The following LRFN5 variants were observed in gnomAD, a reference collection of about 807,000 sequenced individuals.
The protein encoded by LRFN5 is leucine-rich repeat and fibronectin type-III domain-containing protein 5.
A neutral mutation model predicts 45.6 loss-of-function variants in LRFN5; 24 were observed. That is an observed-to-expected ratio of 0.53 (90% CI 0.38 to 0.74). LRFN5 has a LOEUF of 0.74. Ranked by LOEUF, LRFN5 falls within the 30% of genes least tolerant of loss-of-function variation. The probability of loss-of-function intolerance (pLI) is 0.00; values close to 1 mark genes in which losing one functional copy is unlikely to be tolerated. For synonymous variants in LRFN5, 340 were observed against 313.8 expected, an observed-to-expected ratio of 1.08 and a Z score of -0.88; for missense variants, 776 against 861.5, an observed-to-expected ratio of 0.90 and a Z score of 1.24.
At chr14:41,820,344 T>C (rs115700988) in intron 2 of LRFN5, among the ~76,000 whole-genome samples, 2,392 of 152,204 alleles carry the variant, frequency 0.016, 57 homozygotes, top group African/African-American at 0.053. Context: ...GCTATCCTAT[T>C]ATTCTAGCAC....
In LRFN5 at chr14:41,673,801, A is replaced by AC. The variant is rs1249040783; in HGVS notation, c.-197+65247dup. Reference sequence around the variant, plus strand: ...GGGGCGGCTGGCCGGGCGGGGGGTGACCCCCCCCACCTCATTCCCGGATGG... The same window carrying AC: ...GGGGCGGCTGGCCGGGCGGGGGGTGACCCCCCCCCACCTCATTCCCGGATGG... On this transcript the variant is annotated intron_variant, in intron 1 of 5. Transcript: ENST00000298119. Among the ~76,000 whole-genome samples, 169 of 105,980 alleles carry AC rather than the reference A, an allele frequency of 1.6e-3. 2 individuals carry two copies. The highest frequency in any genetic ancestry group is 3.5e-3 in the African/African-American group (95 of 27,474). The allele number at this position is 105,980 out of a possible 152,430, so 69.5% of individuals were successfully genotyped here.
chr14:41,714,010 C>G (rs8015480), intron 1 of LRFN5, among the ~76,000 whole-genome samples: 116,190 of 152,026 alleles, frequency 0.76, 44,759 homozygotes, highest in East Asian at 0.97. Flanking sequence ...TTTTAAAAGG[C>G]AATGTCATGC....
At chr14:41,870,236 A>C (rs1344356996) in intron 2 of LRFN5, among the ~76,000 whole-genome samples, 1 of 152,174 alleles carries the variant, frequency 6.6e-6, no homozygotes, top group Admixed American at 6.5e-5. Flanking sequence ...GATTTTTCAA[A>C]GCCAGCAATT....
intron 2 of LRFN5, among the ~76,000 whole-genome samples, chr14:41,870,067 A>G (rs1280223402): frequency 2.0e-5 from 3 of 152,160 alleles, no homozygotes; most frequent in African/African-American, 7.2e-5. Context: ...GTAGGAATCT[A>G]AACACATCTT....
At chr14:41,779,159 T>C (rs1886395943) in intron 2 of LRFN5, among the ~76,000 whole-genome samples, 1 of 151,856 alleles carries the variant, frequency 6.6e-6, no homozygotes, top group Non-Finnish European at 1.5e-5. Flanking sequence ...CTTTATCAAG[T>C]TGAAGTTTTC....
At chr14:41,780,400 G>T (rs373163844) in intron 2 of LRFN5, among the ~76,000 whole-genome samples, 6 of 152,030 alleles carry the variant, frequency 3.9e-5, no homozygotes, top group African/African-American at 1.4e-4. Context: ...GTGTCTTCCT[G>T]AAGAATTGAC....
At chr14:41,674,860 G>A (rs1193136915) in intron 1 of LRFN5, among the ~76,000 whole-genome samples, 1 of 151,340 alleles carries the variant, frequency 6.6e-6, no homozygotes, top group Non-Finnish European at 1.5e-5. Context: ...GCGGTTGCCG[G>A]GCGGAGGGTC....
intron 1 of LRFN5, among the ~76,000 whole-genome samples, chr14:41,711,767 AT>A (rs60802630): frequency 1.2e-3 from 178 of 152,344 alleles, no homozygotes; most frequent in African/African-American, 4.1e-3. Flanking sequence ...AAAAAAACGC[AT>A]TATGAATAAG....
At chr14:41,620,066 C>A (rs1174873652) in intron 1 of LRFN5, among the ~76,000 whole-genome samples, 2 of 151,950 alleles carry the variant, frequency 1.3e-5, no homozygotes. Context: ...ACAGGTTAGA[C>A]TGTAATATTT....
intron 2 of LRFN5, among the ~76,000 whole-genome samples, chr14:41,802,076 C>A (rs1279707219): frequency 2.6e-5 from 4 of 152,128 alleles, no homozygotes; most frequent in African/African-American, 9.7e-5. Flanking sequence ...GTCTTTCTGT[C>A]CCTTTTGAGT....
At chr14:41,802,739 T>G (rs941235270) in intron 2 of LRFN5, among the ~76,000 whole-genome samples, 1 of 152,144 alleles carries the variant, frequency 6.6e-6, no homozygotes, top group African/African-American at 2.4e-5. Context: ...AGGCAGGATT[T>G]TTTTTTCCTT....
intron 1 of LRFN5, among the ~76,000 whole-genome samples, chr14:41,649,088 G>C: frequency 6.6e-6 from 1 of 152,124 alleles, no homozygotes; most frequent in East Asian, 1.9e-4. Context: ...ACAAAAATTA[G>C]TTGGGCGTTG....
chr14:41,620,605 TA>T (rs1296302563), intron 1 of LRFN5, among the ~76,000 whole-genome samples: 1 of 152,114 alleles, frequency 6.6e-6, no homozygotes, highest in Non-Finnish European at 1.5e-5. Flanking sequence ...ATCTGTTTAA[TA>T]GTTCTATTTC....
intron 1 of LRFN5, among the ~76,000 whole-genome samples, chr14:41,706,922 C>G (rs970041173): frequency 3.3e-5 from 5 of 152,102 alleles, no homozygotes; most frequent in African/African-American, 1.2e-4. Context: ...TTCTGTTGTG[C>G]TTAGCATCTT....
chr14:41,675,196 G>C (rs532324915), intron 1 of LRFN5, among the ~76,000 whole-genome samples: 1 of 152,308 alleles, frequency 6.6e-6, no homozygotes, highest in East Asian at 1.9e-4. Flanking sequence ...CTTCCCAGAC[G>C]GGGTGGCGGC....
At chr14:41,763,163 A>T (rs1293656270) in intron 1 of LRFN5, among the ~76,000 whole-genome samples, 1 of 152,218 alleles carries the variant, frequency 6.6e-6, no homozygotes, top group Non-Finnish European at 1.5e-5. Flanking sequence ...ATAAGGTTTT[A>T]TGATGAGTAC....
Position 41,891,308 on chromosome 14 carries a change from T to A in LRFN5, c.1444T>A (p.Tyr482Asn). The A allele has an allele frequency of 6.2e-7, 1 of 1,614,124 alleles. No homozygotes were observed. The highest frequency in any genetic ancestry group is 8.5e-7 in the Non-Finnish European group (1 of 1,180,016). The change falls in exon 4 of 6, where the codon TAT becomes AAT. Residue 482 changes from tyrosine to asparagine, a missense_variant. Around this residue, in one of 2 missense-constraint regions of LRFN5, gnomAD observed 465 missense variants for 456.4 expected, o/e 1.02. Transcript: ENST00000298119. ...CAATAATCTGGCTGCTGGAACTATG[T>A]ATGACTTGTGTGTCTTGGCCATATA... Reference protein sequence around the residue: ...LVNNLAAGTMYDLCVLAIYDD... With the variant: ...LVNNLAAGTMNDLCVLAIYDD...
At chr14:41,852,556 T>C (rs1350065788) in intron 2 of LRFN5, among the ~76,000 whole-genome samples, 1 of 151,972 alleles carries the variant, frequency 6.6e-6, no homozygotes, top group African/African-American at 2.4e-5. Context: ...CATAAAGTTT[T>C]GTTTCTCCCA....
At chr14:41,731,032 A>G (rs1477986612) in intron 1 of LRFN5, among the ~76,000 whole-genome samples, 3 of 152,056 alleles carry the variant, frequency 2.0e-5, no homozygotes, top group Non-Finnish European at 4.4e-5. Flanking sequence ...TTGTAGTTAT[A>G]TATTTCAAGA....
Sources: gnomAD v4.1 joint callset for allele counts (sites outside exome capture counted in the v4.1 genomes callset) on GRCh38, gnomAD v4.1.1 for gene constraint, gnomAD v4.1.1 regional missense constraint, MANE v1.5 for transcripts, NCBI Gene and HGNC (gene_info 2026-07-23, HGNC 2026-07-21) for gene names.